TRAPPC9: variants seen among roughly 807,000 people sequenced by gnomAD.
The protein encoded by TRAPPC9 is trafficking protein particle complex subunit 9.
TRAPPC9 carries 83 observed loss-of-function variants against 124.0 expected under a neutral mutation model. The ratio of observed to expected loss-of-function variants is 0.67; its 90% CI spans 0.56 to 0.80. TRAPPC9 has a LOEUF of 0.80. Ranked by LOEUF, TRAPPC9 falls within the 30% of genes least tolerant of loss-of-function variation. The probability of loss-of-function intolerance (pLI) is 0.00; values close to 1 mark genes in which losing one functional copy is unlikely to be tolerated. For missense variants in TRAPPC9, 1,302 were observed against 1,508.3 expected (o/e 0.86, Z 2.27); for synonymous variants, 638 against 617.5 (o/e 1.03, Z -0.49).
intron 6 of TRAPPC9, among the ~76,000 whole-genome samples, chr8:140,401,223 T>A (rs1296477882): frequency 6.6e-6 from 1 of 152,236 alleles, no homozygotes; most frequent in East Asian, 1.9e-4. Context: ...CAACTGGTTA[T>A]CTTTCTCACT....
At chr8:139,848,965 A>T (rs893530210) in intron 21 of TRAPPC9, among the ~76,000 whole-genome samples, 29 of 152,182 alleles carry the variant, frequency 1.9e-4, no homozygotes, top group African/African-American at 6.5e-4. Flanking sequence ...TCATCTTGAA[A>T]AGCTTTTGCC....
At chr8:140,367,533 A>C (rs1299558946) in intron 8 of TRAPPC9, among the ~76,000 whole-genome samples, 2 of 152,222 alleles carry the variant, frequency 1.3e-5, no homozygotes, top group Non-Finnish European at 2.9e-5. Flanking sequence ...AAAACTATGG[A>C]GACAGTAAAA....
chr8:139,981,324 G>T (rs887435081), intron 19 of TRAPPC9, among the ~76,000 whole-genome samples: 9 of 152,198 alleles, frequency 5.9e-5, no homozygotes, highest in African/African-American at 2.2e-4. Context: ...ATCAGCTGAA[G>T]GGATGAGGGC....
intron 4 of TRAPPC9, among the ~76,000 whole-genome samples, chr8:140,428,419 A>G (rs1368536095): frequency 6.6e-6 from 1 of 152,226 alleles, no homozygotes; most frequent in Non-Finnish European, 1.5e-5. Context: ...CAGGCAGGAG[A>G]TAAGTAGAAA....
At chr8:139,900,019 C>T (rs2131212378) in intron 20 of TRAPPC9, among the ~76,000 whole-genome samples, 1 of 152,292 alleles carries the variant, frequency 6.6e-6, no homozygotes, top group South Asian at 2.1e-4. Context: ...TTCATTCCAC[C>T]ATTTGACCAG....
At chr8:139,816,568 T>TCCCCC (rs1563836156) in intron 21 of TRAPPC9, among the ~76,000 whole-genome samples, 12 of 151,280 alleles carry the variant, frequency 7.9e-5, no homozygotes, top group South Asian at 2.1e-4. Context: ...GAGAGTCCCC[T>TCCCCC]CCCACCCCAC....
intron 17 of TRAPPC9, among the ~76,000 whole-genome samples, chr8:140,139,307 C>A (rs2061348670): frequency 1.3e-5 from 2 of 152,096 alleles, no homozygotes; most frequent in African/African-American, 4.8e-5. Flanking sequence ...TCCTCAAAAC[C>A]CTCCCTGGGA....
intron 17 of TRAPPC9, among the ~76,000 whole-genome samples, chr8:140,213,766 C>A (rs2063122541): frequency 6.6e-6 from 1 of 152,226 alleles, no homozygotes; most frequent in African/African-American, 2.4e-5. Flanking sequence ...TAAGGGAGGC[C>A]TGGCCCCGCC....
intron 21 of TRAPPC9, among the ~76,000 whole-genome samples, chr8:139,759,711 C>A (rs1249176275): frequency 6.6e-6 from 1 of 152,186 alleles, no homozygotes; most frequent in African/African-American, 2.4e-5. Flanking sequence ...GGCCGGGCTC[C>A]CCTGGGGGGA....
At chr8:140,028,550 C>T (rs528312403) in intron 17 of TRAPPC9, among the ~76,000 whole-genome samples, 2 of 152,350 alleles carry the variant, frequency 1.3e-5, no homozygotes, top group African/African-American at 4.8e-5. Flanking sequence ...GAACTGAATG[C>T]AGAGCAACAT....
intron 9 of TRAPPC9, among the ~76,000 whole-genome samples, chr8:140,359,146 C>T (rs1449166021): frequency 1.3e-5 from 2 of 152,218 alleles, no homozygotes; most frequent in Non-Finnish European, 2.9e-5. Context: ...CAGCTGAGGC[C>T]TGTGTCCATA....
At chr8:140,072,591 GGAA>G (rs1377464258) in intron 17 of TRAPPC9, among the ~76,000 whole-genome samples, 7 of 13,256 alleles carry the variant, frequency 5.3e-4, no homozygotes, top group African/African-American at 1.7e-3. Context: ...GGAGGAGAAG[GGAA>G]GGAGGAGGAG....
chr8:140,455,526 G>C (rs561329302), intron 1 of TRAPPC9, among the ~76,000 whole-genome samples: 1 of 152,082 alleles, frequency 6.6e-6, no homozygotes, highest in African/African-American at 2.4e-5. Context: ...CGCCTCCCAG[G>C]TTCAAGGGAT....
intron 2 of TRAPPC9, among the ~76,000 whole-genome samples, chr8:140,443,047 C>T (rs1345589965): frequency 1.5e-5 from 2 of 131,454 alleles, no homozygotes; most frequent in Non-Finnish European, 3.2e-5. Context: ...GCAGGAGAAT[C>T]GCTTGAACCC....
At chr8:140,141,996 G>A (rs1201234135) in intron 17 of TRAPPC9, among the ~76,000 whole-genome samples, 1 of 152,222 alleles carries the variant, frequency 6.6e-6, no homozygotes, top group African/African-American at 2.4e-5. Flanking sequence ...GCACAGGGCT[G>A]ATAGACTCTT....
intron 9 of TRAPPC9, among the ~76,000 whole-genome samples, chr8:140,321,310 G>A (rs182441777): frequency 1.4e-3 from 206 of 152,328 alleles, no homozygotes; most frequent in African/African-American, 4.5e-3. Flanking sequence ...CAGTGAACCC[G>A]GAGCTCAGCA....
intron 19 of TRAPPC9, among the ~76,000 whole-genome samples, chr8:139,958,902 A>AGGGGAGCCCTGCATTCCGAGTCACATG (rs1835173641): frequency 1.2e-4 from 17 of 143,684 alleles, no homozygotes; most frequent in African/African-American, 2.9e-4. Context: ...CGAGTCACAC[A>AGGGGAGCCCTGCATTCCGAGTCACATG]GGGGAGCACT....
chr8:140,140,802 A>C (rs1010849887), intron 17 of TRAPPC9, among the ~76,000 whole-genome samples: 31 of 152,220 alleles, frequency 2.0e-4, no homozygotes, highest in Admixed American at 3.9e-4. Context: ...GCGCCATGTT[A>C]TCTTTCCAGG....
At chr8:139,837,223 C>A (rs1415661537) in intron 21 of TRAPPC9, among the ~76,000 whole-genome samples, 1 of 152,194 alleles carries the variant, frequency 6.6e-6, no homozygotes, top group Admixed American at 6.5e-5. Context: ...AAGAGCCCTC[C>A]TGCTGCCGCT....
Sources: gnomAD v4.1 joint callset for allele counts (sites outside exome capture counted in the v4.1 genomes callset) on GRCh38, gnomAD v4.1.1 for gene constraint, MANE v1.5 for transcripts, NCBI Gene and HGNC (gene_info 2026-07-23, HGNC 2026-07-21) for gene names.